KDM4C: variants seen among roughly 807,000 people sequenced by gnomAD.
The protein encoded by KDM4C is lysine demethylase 4C.
In KDM4C, 81 loss-of-function variants were observed where a neutral mutation model predicts 129.3. The observed-to-expected ratio is 0.63, with a 90% CI of 0.52 to 0.75. The LOEUF (loss-of-function observed/expected upper bound fraction) is 0.75, where lower values mean the gene tolerates loss of function less well. Ranked by LOEUF, KDM4C falls within the 30% of genes least tolerant of loss-of-function variation. The pLI, the probability that KDM4C is intolerant of heterozygous loss-of-function variation, is 0.00. For synonymous variants in KDM4C, 573 were observed against 456.1 expected (o/e 1.26, Z -3.26); for missense variants, 1,457 against 1,304.0 (o/e 1.12, Z -1.81).
intron 15 of KDM4C, among the ~76,000 whole-genome samples, chr9:7,021,121 T>C (rs1824752927): frequency 1.3e-5 from 1 of 75,640 alleles, no homozygotes; most frequent in South Asian, 6.8e-4. Context: ...CATATATATA[T>C]GTGTGTGTGT....
intron 8 of KDM4C, among the ~76,000 whole-genome samples, chr9:6,904,316 G>A (rs1205679758): frequency 6.6e-6 from 1 of 151,874 alleles, no homozygotes. Flanking sequence ...TTCATTTACA[G>A]CAAGTAAAAC....
At chr9:6,995,646 C>T (rs1819548076) in intron 12 of KDM4C, among the ~76,000 whole-genome samples, 1 of 152,068 alleles carries the variant, frequency 6.6e-6, no homozygotes. Flanking sequence ...TTGATGGTTT[C>T]AGAAAGTACT....
intron 5 of KDM4C, among the ~76,000 whole-genome samples, chr9:6,862,328 CA>C: frequency 6.6e-6 from 1 of 152,254 alleles, no homozygotes; most frequent in South Asian, 2.1e-4. Flanking sequence ...TTGATTTTAA[CA>C]GAAACATTTG....
chr9:6,956,890 C>G (rs1829161611), intron 8 of KDM4C, among the ~76,000 whole-genome samples: 1 of 152,158 alleles, frequency 6.6e-6, no homozygotes, highest in Non-Finnish European at 1.5e-5. Flanking sequence ...GCTATAGTTT[C>G]TGGTAGTGTC....
intron 1 of KDM4C, among the ~76,000 whole-genome samples, chr9:6,736,740 T>C (rs913702883): frequency 4.6e-5 from 7 of 152,034 alleles, no homozygotes; most frequent in African/African-American, 1.7e-4. Flanking sequence ...AGTTTTAGGA[T>C]ACAAAATCAG....
At chr9:6,985,181 C>T (rs1817479142) in intron 10 of KDM4C, among the ~76,000 whole-genome samples, 1 of 152,166 alleles carries the variant, frequency 6.6e-6, no homozygotes, top group South Asian at 2.1e-4. Context: ...CTGTAGTCAC[C>T]CCCGCTAGTC....
rs572292150 is a variant in KDM4C at position 7,048,177 on chromosome 9, G to A, written c.2316-915G>A. 2.6e-5 allele frequency among the ~76,000 whole-genome samples: 4 copies of A among 152,086 alleles called. No homozygotes were observed. In the East Asian group the frequency reaches 7.8e-4, roughly 29 times the overall value. ...GTTTAGGTGGTTCCTGTAAAAACAC[G>A]GGTGATAAGACGTTCTCTTCCTATG... is the stretch of plus-strand genomic sequence containing the variant. On this transcript the variant is annotated intron_variant, in intron 16 of 21. Transcript: ENST00000381309.
intron 5 of KDM4C, among the ~76,000 whole-genome samples, chr9:6,868,281 G>A (rs1018500156): frequency 6.6e-6 from 1 of 152,004 alleles, no homozygotes; most frequent in African/African-American, 2.4e-5. Flanking sequence ...GCAACCATAC[G>A]TGCAGGCAGT....
chr9:6,832,319 G>A (rs1212575338), intron 4 of KDM4C, among the ~76,000 whole-genome samples: 2 of 148,406 alleles, frequency 1.3e-5, no homozygotes, highest in African/African-American at 5.0e-5. Context: ...CAGCCTGGGC[G>A]ACAGAGTGAG....
chr9:6,724,640 C>T (rs545958075), intron 1 of KDM4C, among the ~76,000 whole-genome samples: 40 of 152,228 alleles, frequency 2.6e-4, no homozygotes, highest in African/African-American at 9.4e-4. Flanking sequence ...AAGCCATTCT[C>T]CTGCCTCAGC....
chr9:7,095,002 T>C (rs1345698298), intron 17 of KDM4C, among the ~76,000 whole-genome samples: 3 of 152,162 alleles, frequency 2.0e-5, no homozygotes, highest in African/African-American at 7.2e-5. Flanking sequence ...CAAAGGAAAA[T>C]GATGAGATCT....
chr9:7,066,053 T>G (rs1238353791), intron 17 of KDM4C, among the ~76,000 whole-genome samples: 1 of 151,958 alleles, frequency 6.6e-6, no homozygotes, highest in Non-Finnish European at 1.5e-5. Context: ...TCACAAAGCA[T>G]ATATTTGAAA....
chr9:6,740,477 A>G (rs1817652383), intron 1 of KDM4C, among the ~76,000 whole-genome samples: 1 of 151,918 alleles, frequency 6.6e-6, no homozygotes, highest in Non-Finnish European at 1.5e-5. Context: ...TGCTGGGATT[A>G]CAGGCGTGAG....
intron 19 of KDM4C, among the ~76,000 whole-genome samples, chr9:7,152,275 G>A (rs1408495967): frequency 1.3e-5 from 2 of 152,216 alleles, no homozygotes; most frequent in African/African-American, 4.8e-5. Flanking sequence ...GGGGAAAATT[G>A]CAGTGACCTA....
At chr9:7,116,176 CTT>C (rs1463741056) in intron 18 of KDM4C, among the ~76,000 whole-genome samples, 1 of 152,168 alleles carries the variant, frequency 6.6e-6, no homozygotes, top group Non-Finnish European at 1.5e-5. Flanking sequence ...AAACTTTCTT[CTT>C]TGCAAGCATC....
intron 17 of KDM4C, chr9:7,076,565 T>C: frequency 6.6e-7 from 1 of 1,518,268 alleles, no homozygotes; most frequent in Non-Finnish European, 8.8e-7. Context: ...TTTCTCATTC[T>C]CCATGGGAGC....
intron 7 of KDM4C, among the ~76,000 whole-genome samples, chr9:6,890,586 A>G (rs1465130213): frequency 6.6e-6 from 1 of 151,650 alleles, no homozygotes; most frequent in African/African-American, 2.4e-5. Context: ...TGGAAATGAC[A>G]GGGGCCTAAA....
At chr9:6,892,188 A>AG in intron 7 of KDM4C, among the ~76,000 whole-genome samples, 1 of 152,338 alleles carries the variant, frequency 6.6e-6, no homozygotes, top group Admixed American at 6.5e-5. Context: ...TAAAGATATA[A>AG]GGGGTCTATC....
At chr9:7,058,096 A>G (rs1831118352) in intron 17 of KDM4C, among the ~76,000 whole-genome samples, 1 of 152,160 alleles carries the variant, frequency 6.6e-6, no homozygotes, top group South Asian at 2.1e-4. Context: ...TGTAGAGGAA[A>G]TGAATTCGAC....
Sources: allele counts gnomAD v4.1 joint callset (sites outside exome capture counted in the v4.1 genomes callset), GRCh38; gene constraint gnomAD v4.1.1; transcripts MANE v1.5; gene names NCBI Gene and HGNC (gene_info 2026-07-23, HGNC 2026-07-21).